The following EXOC3L2 variants were observed in gnomAD, a reference collection of about 807,000 sequenced individuals.
EXOC3L2 encodes exocyst complex component 3-like protein 2.
Under a neutral mutation model 44.4 loss-of-function variants are expected in EXOC3L2, and 17 were observed. The observed-to-expected ratio is 0.38, with a 90% CI of 0.26 to 0.57. EXOC3L2 has a LOEUF of 0.57. Ranked by LOEUF, EXOC3L2 falls within the 20% of genes least tolerant of loss-of-function variation. The pLI is 0.65. For synonymous variants in EXOC3L2, 256 were observed against 253.7 expected, an observed-to-expected ratio of 1.01 and a Z score of -0.09; for missense variants, 541 against 588.4, an observed-to-expected ratio of 0.92 and a Z score of 0.83.
chr19:45,236,767 C>T lies in EXOC3L2; in HGVS notation c.523+1756G>A, dbSNP rs1346904921. On this transcript the variant is annotated intron_variant, in intron 2 of 11. Transcript: ENST00000413988. ...ATCCCAGCACTTTGGGAGGCTGAGG[C>T]GGGTGGATCACCTGAGATCAGGAGT... is the stretch of plus-strand genomic sequence containing the variant. 4.0e-5 allele frequency among the ~76,000 whole-genome samples: 6 copies of T among 151,852 alleles called. 1 individual carries two copies. The highest frequency in any genetic ancestry group is 1.3e-4 in the Admixed American group (2 of 15,234).
chr19:45,230,646 G>T (rs1202887643), intron 4 of EXOC3L2, among the ~76,000 whole-genome samples: 1 of 152,156 alleles, frequency 6.6e-6, no homozygotes, highest in Non-Finnish European at 1.5e-5. Flanking sequence ...ACCGCGCCCG[G>T]CCAAGGGTCT....
chr19:45,238,360 G>A lies in EXOC3L2; in HGVS notation c.523+163C>T, dbSNP rs1054957963. ...AGGACTGCAGTGGTAATGGGTTGGA[G>A]CTGGCATGGAGGTGGGAGATGTGAG... is the stretch of plus-strand genomic sequence containing the variant. On this transcript the variant is annotated intron_variant, in intron 2 of 11. Transcript: ENST00000413988. The surrounding 1 kb of genome is among the most constrained non-coding windows in gnomAD (Gnocchi z 5.5). Among the ~76,000 whole-genome samples the A allele has an allele frequency of 3.3e-5, 5 of 152,156 alleles. No homozygotes were observed. The highest frequency in any genetic ancestry group is 6.5e-5 in the Admixed American group (1 of 15,270).
intron 4 of EXOC3L2, among the ~76,000 whole-genome samples, chr19:45,230,195 A>C (rs1970015677): frequency 6.7e-6 from 1 of 148,920 alleles, no homozygotes; most frequent in South Asian, 2.1e-4. Flanking sequence ...TAACTTTTAA[A>C]ATGTTTTACA....
At chr19:45,240,145 C>T (rs10469273) in intron 1 of EXOC3L2, among the ~76,000 whole-genome samples, 6 of 147,868 alleles carry the variant, frequency 4.1e-5, no homozygotes, top group Admixed American at 6.8e-5. Context: ...CACCCTGTCA[C>T]CCAGGCTGGA....
chr19:45,220,426 TG>T, intron 8 of EXOC3L2, among the ~76,000 whole-genome samples: 1 of 150,964 alleles, frequency 6.6e-6, no homozygotes, highest in Middle Eastern at 3.4e-3. Flanking sequence ...GCTATGATCA[TG>T]CCATTGCACT....
intron 7 of EXOC3L2, among the ~76,000 whole-genome samples, chr19:45,226,816 G>T (rs1277233029): frequency 1.4e-5 from 2 of 142,442 alleles, no homozygotes; most frequent in Non-Finnish European, 3.0e-5. Flanking sequence ...GTAGTGGCGC[G>T]ATCTCAGCTC....
intron 1 of EXOC3L2, among the ~76,000 whole-genome samples, chr19:45,240,464 A>G (rs1296914034): frequency 6.6e-6 from 1 of 152,052 alleles, no homozygotes; most frequent in African/African-American, 2.4e-5. Flanking sequence ...ATAGGACTGG[A>G]GAGAACGGGG....
At chr19:45,226,464 T>C (rs1280301785) in intron 7 of EXOC3L2, among the ~76,000 whole-genome samples, 1 of 151,874 alleles carries the variant, frequency 6.6e-6, no homozygotes, top group Non-Finnish European at 1.5e-5. Context: ...TGAGATGGAG[T>C]CTCGCTCTGT....
intron 10 of EXOC3L2, among the ~76,000 whole-genome samples, chr19:45,217,282 G>T (rs1220544246): frequency 6.6e-6 from 1 of 152,156 alleles, no homozygotes; most frequent in Non-Finnish European, 1.5e-5. Flanking sequence ...CAATGGATAG[G>T]GACCATTATT....
chr19:45,226,890 C>G (rs1969968606), intron 7 of EXOC3L2, among the ~76,000 whole-genome samples: 1 of 150,088 alleles, frequency 6.7e-6, no homozygotes, highest in Non-Finnish European at 1.5e-5. Flanking sequence ...GTAGCTGGGA[C>G]TACAGGTGCC....
At chr19:45,213,985 C>T (rs551214707) in intron 11 of EXOC3L2, among the ~76,000 whole-genome samples, 7 of 151,652 alleles carry the variant, frequency 4.6e-5, no homozygotes, top group African/African-American at 1.2e-4. Context: ...ACCTTGTACC[C>T]CACTCCCCCT....
chr19:45,234,608 C>CCGCCAGCGTCTCGCG lies in EXOC3L2; in HGVS notation c.727_741dup (p.Arg243_Ala247dup), dbSNP rs1970064087. The CCGCCAGCGTCTCGCG allele has an allele frequency of 3.2e-6, 1 of 310,826 alleles. No homozygotes were observed. The highest frequency in any genetic ancestry group is 2.2e-5 in the African/African-American group (1 of 45,012). The allele number at this position is 310,826 out of a possible 1,614,324, so 19.3% of individuals were successfully genotyped here. A position where few individuals can be genotyped will look rare whatever the true frequency, so the allele number is the denominator to read the frequency against. ...CCGGCGCACGCTCCCGGCCCGGGGC[C>CCGCCAGCGTCTCGCG]CGCCAGCGTCTCGCGCACCAGCGCC... On this transcript the variant is annotated inframe_insertion, in exon 3 of 12. Coordinates refer to ENST00000413988, the MANE Select transcript of EXOC3L2 (RefSeq NM_001382422.1). The surrounding 1 kb of genome is among the most constrained non-coding windows in gnomAD (Gnocchi z 5.0).
chr19:45,235,600 G>C (rs536747972), intron 2 of EXOC3L2, among the ~76,000 whole-genome samples: 1 of 152,244 alleles, frequency 6.6e-6, no homozygotes, highest in East Asian at 1.9e-4. Flanking sequence ...AAGGCGAGTC[G>C]GGCTGGAAGG....
At chr19:45,218,428 G>A in intron 8 of EXOC3L2, 109 bp from the exon 9 acceptor site, 1 of 1,336,076 alleles carries the variant, frequency 7.5e-7, no homozygotes, top group Non-Finnish European at 9.8e-7. Context: ...GCTGTGCGGT[G>A]CTGGGAACAC....
Position 45,224,860 on chromosome 19 carries a change from C to T in EXOC3L2, c.1637G>A (p.Arg546Gln), listed in dbSNP as rs569002007. The change falls in exon 8 of 12, where the codon CGG (arginine) becomes CAG (glutamine). Residue 546 changes from arginine to glutamine, a missense_variant. Transcript: ENST00000413988. Reference protein sequence around the residue: ...RVGPPESEPAREASASALDHV... With the variant: ...RVGPPESEPAQEASASALDHV... ...GTCCAGAGCACTAGCAGATGCTTCC[C>T]GGGCCGGCTCGCTTTCTGGGGGCCC... is the stretch of plus-strand genomic sequence containing the variant. 8.0e-5 allele frequency: 127 copies of T among 1,580,686 alleles called. No homozygotes were observed. In the South Asian group the frequency reaches 1.1e-3, roughly 13 times the overall value.
intron 11 of EXOC3L2, among the ~76,000 whole-genome samples, chr19:45,214,203 A>ATC (rs1433666000): frequency 6.6e-6 from 1 of 152,252 alleles, no homozygotes; most frequent in East Asian, 1.9e-4. Flanking sequence ...ACATGACCTT[A>ATC]TCCCCCAGAA....
At chr19:45,218,162 C>T in intron 9 of EXOC3L2, 35 bp downstream of exon 9, 4 of 964,224 alleles carry the variant, frequency 4.1e-6, no homozygotes, top group Non-Finnish European at 5.7e-6. Context: ...CTCTTTTCCC[C>T]CACCCCCACC....
At chr19:45,241,158 A>T (rs1716778199) in intron 1 of EXOC3L2, among the ~76,000 whole-genome samples, 1 of 152,040 alleles carries the variant, frequency 6.6e-6, no homozygotes, top group Admixed American at 6.6e-5. Flanking sequence ...CCCAGCCTCT[A>T]GTCTTGGCAC....
At chr19:45,228,798 G>A (rs867807079) in intron 4 of EXOC3L2, among the ~76,000 whole-genome samples, 7 of 148,736 alleles carry the variant, frequency 4.7e-5, no homozygotes, top group Admixed American at 4.1e-4. Flanking sequence ...TAGGCTGGGC[G>A]CGGTGGCTCA....
Sources: gnomAD v4.1 joint callset for allele counts (sites outside exome capture counted in the v4.1 genomes callset) on GRCh38, gnomAD v4.1.1 for gene constraint, Gnocchi (gnomAD v3.1) non-coding constraint, MANE v1.5 for transcripts, NCBI Gene and HGNC (gene_info 2026-07-23, HGNC 2026-07-21) for gene names.